Variants in KDM5B observed in about 807,000 individuals in gnomAD.
KDM5B encodes the protein lysine demethylase 5B, also known as lysine-specific demethylase 5B.
Under a neutral mutation model 193.4 loss-of-function variants are expected in KDM5B, and 144 were observed. That is an observed-to-expected ratio of 0.74 (90% CI 0.65 to 0.86). The LOEUF (loss-of-function observed/expected upper bound fraction) is 0.86. Ranked by LOEUF, KDM5B falls within the 40% of genes least tolerant of loss-of-function variation. The pLI is 0.00. For synonymous variants in KDM5B, 668 were observed against 682.6 expected (o/e 0.98, Z 0.33); for missense variants, 1,833 against 1,886.9 (o/e 0.97, Z 0.53).
intron 1 of KDM5B, among the ~76,000 whole-genome samples, chr1:202,798,635 G>A (rs986204527): frequency 4.8e-4 from 73 of 152,106 alleles, no homozygotes; most frequent in African/African-American, 1.7e-3. Context: ...GGGCTGAGGT[G>A]GGATCATTTG....
Position 202,729,832 on chromosome 1 carries a change from C to T in KDM5B, c.4372G>A (p.Glu1458Lys), listed in dbSNP as rs1400850001. The change falls in exon 26 of 27, where the codon GAA (glutamate) becomes AAA (lysine). Residue 1458 changes from glutamate (E) to lysine (K), a missense_variant. Transcript: ENST00000367265. ...TGAGTTTCAGCAGAACGAACTAATTCATAGCTACGCTCTCTCTCTAACTTG... is the reference window on the plus strand; with the variant it reads ...TGAGTTTCAGCAGAACGAACTAATTTATAGCTACGCTCTCTCTCTAACTTG... ...NFKLERERSY[E>K]LVRSAETHSL... The T allele has an allele frequency of 5.0e-6, 8 of 1,614,026 alleles. No individual in the cohort carries two copies. Among genetic ancestry groups the T allele is most frequent in the Non-Finnish European group, 6.8e-6 (8 of 1,180,010 alleles).
intron 25 of KDM5B, 47 bp from the exon 26 acceptor site, chr1:202,730,074 T>C: frequency 2.1e-6 from 3 of 1,438,642 alleles, no homozygotes; most frequent in Non-Finnish European, 2.8e-6. Flanking sequence ...GGGTCACCTA[T>C]TACTAAAACT....
At position 202,742,494 on chromosome 1, in the gene KDM5B, C is replaced by T. The variant is rs774245497; in HGVS notation, c.2486G>A (p.Gly829Asp). ...NGKRQTRYRS[G>D]GGKSQNQLTV... Reference sequence around the variant, plus strand: ...CAACTGATTTTGGGATTTCCCTCCACCAGATCGATATCTGTAAAGACAAAG... The same window carrying T: ...CAACTGATTTTGGGATTTCCCTCCATCAGATCGATATCTGTAAAGACAAAG... Residue 829 changes from glycine (G) to aspartate (D), a missense_variant, in exon 18 of 27, where the codon GGT becomes GAT. Coordinates refer to ENST00000367265, the MANE Select transcript of KDM5B (RefSeq NM_006618.5). The T allele has an allele frequency of 2.5e-6, 4 of 1,613,798 alleles. No individual in the cohort carries two copies. The highest frequency in any genetic ancestry group is 3.4e-6 in the Non-Finnish European group (4 of 1,179,844).
intron 1 of KDM5B, among the ~76,000 whole-genome samples, chr1:202,799,713 C>A (rs527262133): frequency 6.6e-6 from 1 of 151,244 alleles, no homozygotes; most frequent in African/African-American, 2.4e-5. Flanking sequence ...TAAAAATATA[C>A]ATACACACAG....
At chr1:202,783,338 T>C (rs1264012182) in intron 1 of KDM5B, among the ~76,000 whole-genome samples, 2 of 150,584 alleles carry the variant, frequency 1.3e-5, no homozygotes, top group African/African-American at 4.9e-5. Context: ...GCTCTGTCTC[T>C]ACAAAAAAAA....
chr1:202,733,997 C>A, intron 22 of KDM5B, 111 bp from the exon 23 acceptor site: 1 of 1,300,468 alleles, frequency 7.7e-7, no homozygotes, highest in South Asian at 1.4e-5. Flanking sequence ...CATCTGTATT[C>A]AAATCCTGAC....
At chr1:202,795,198 G>C (rs1275085318) in intron 1 of KDM5B, among the ~76,000 whole-genome samples, 1 of 152,058 alleles carries the variant, frequency 6.6e-6, no homozygotes, top group East Asian at 1.9e-4. Flanking sequence ...GGGGGACAGA[G>C]TAAGTCTCTG....
At position 202,729,815 on chromosome 1, in the gene KDM5B, A is replaced by G. The variant is rs1654808083; in HGVS notation, c.4389T>C (p.Ala1463=). 6.2e-7 allele frequency: 1 copy of G among 1,614,036 alleles called. No individual in the cohort carries two copies. Among genetic ancestry groups the G allele is most frequent in the Non-Finnish European group, 8.5e-7 (1 of 1,179,992 alleles). The part of the protein sequence containing the change: ...RERSYELVRS[A]ETHSLPSDTS... The stretch of plus-strand genomic sequence containing the variant: ...TGTCTGAGGGCAGGGAATGAGTTTC[A>G]GCAGAACGAACTAATTCATAGCTAC... Residue 1463 remains alanine, a synonymous_variant, in exon 26 of 27, where the codon GCT becomes GCC. Transcript: ENST00000367265.
intron 7 of KDM5B, 93 bp from the exon 8 acceptor site, chr1:202,760,666 C>T: frequency 1.2e-6 from 1 of 820,670 alleles, no homozygotes; most frequent in Non-Finnish European, 1.9e-6. Context: ...GAGACATAAT[C>T]TAGTCTCTAC....
intron 20 of KDM5B, among the ~76,000 whole-genome samples, chr1:202,738,148 G>A (rs1170395394): frequency 2.0e-5 from 3 of 152,160 alleles, no homozygotes; most frequent in Non-Finnish European, 2.9e-5. Flanking sequence ...AAAAAAGGTA[G>A]GCTACTTTTT....
At chr1:202,802,416 C>CT (rs34335335) in intron 1 of KDM5B, among the ~76,000 whole-genome samples, 1 of 151,766 alleles carries the variant, frequency 6.6e-6, no homozygotes, top group Admixed American at 6.6e-5. Context: ...TGTTTGTTTT[C>CT]TTTTTTGAGC....
chr1:202,750,568 C>T (rs1229110083), intron 13 of KDM5B, 91 bp downstream of exon 13: 3 of 1,415,192 alleles, frequency 2.1e-6, no homozygotes, highest in Non-Finnish European at 2.9e-6. Flanking sequence ...AGCTACCGCA[C>T]CCAGCCCACA....
At chr1:202,769,617 C>T (rs888519292) in intron 4 of KDM5B, among the ~76,000 whole-genome samples, 12 of 135,572 alleles carry the variant, frequency 8.9e-5, no homozygotes, top group African/African-American at 1.7e-4. Flanking sequence ...TGCAATGAGC[C>T]GAGATCATGC....
Position 202,733,695 on chromosome 1 carries a change from C to T in KDM5B, c.3615G>A (p.Ala1205=), listed in dbSNP as rs781095038. 4.1e-5 allele frequency: 66 copies of T among 1,614,002 alleles called. No individual in the cohort carries two copies. In the Middle Eastern group the frequency reaches 4.9e-4, roughly 12 times the overall value. ...CRDAFHTSCV[A]VPSISQGLRI... ...GCAGGCCCTGTGAAATACTGGGTAC[C>T]GCCACACAACTGGTGTGGAAAGCAT... The change falls in exon 23 of 27, where the codon GCG becomes GCA. Residue 1205 remains alanine (A), a synonymous_variant. Coordinates refer to ENST00000367265, the MANE Select transcript of KDM5B (RefSeq NM_006618.5).
intron 11 of KDM5B, among the ~76,000 whole-genome samples, chr1:202,753,998 A>G (rs951149729): frequency 3.9e-5 from 6 of 152,194 alleles, no homozygotes; most frequent in African/African-American, 1.2e-4. Context: ...AAGGTATCGT[A>G]TTCACTTCAG....
chr1:202,792,016 C>A (rs1243910592), intron 1 of KDM5B, among the ~76,000 whole-genome samples: 1 of 152,106 alleles, frequency 6.6e-6, no homozygotes, highest in Admixed American at 6.6e-5. Context: ...ACACAATGCA[C>A]TTACTGACAT....
chr1:202,766,972 G>A lies in KDM5B; in HGVS notation c.665C>T (p.Ser222Leu), dbSNP rs1435150822. 3.2e-6 allele frequency: 5 copies of A among 1,585,748 alleles called. No homozygotes were observed. Among genetic ancestry groups the A allele is most frequent in the African/African-American group, 1.4e-5 (1 of 72,872 alleles). The change falls in exon 5 of 27, where the codon TCG becomes TTG. Residue 222 changes from serine (S) to leucine (L), a missense_variant. Physicochemically the swap from Ser to Leu is moderately radical, Grantham distance 145 (BLOSUM62 -2). Transcript: ENST00000367265. ...DIPQRQSVQP[S>L]ETCPPARRAK... is the part of the protein sequence containing the mutation. ...TCGTCGGGCTGGGGGGCACGTTTCC[G>A]AAGGCTGCACAGACTGCCTCTGGGG...
At chr1:202,739,801 C>A (rs374776961) in intron 20 of KDM5B, among the ~76,000 whole-genome samples, 40 of 152,160 alleles carry the variant, frequency 2.6e-4, no homozygotes, top group Non-Finnish European at 5.4e-4. Flanking sequence ...GTAAGGTCAC[C>A]GATCAACAGG....
At chr1:202,753,652 TTTGTTG>T (rs992471709) in intron 11 of KDM5B, among the ~76,000 whole-genome samples, 3 of 140,146 alleles carry the variant, frequency 2.1e-5, no homozygotes, top group African/African-American at 7.4e-5. Flanking sequence ...GAATTTCTCT[TTTGTTG>T]TTGTTGTTTT....
Sources: gnomAD v4.1 joint callset for allele counts (sites outside exome capture counted in the v4.1 genomes callset) on GRCh38, gnomAD v4.1.1 for gene constraint, MANE v1.5 for transcripts, NCBI Gene and HGNC (gene_info 2026-07-23, HGNC 2026-07-21) for gene names.